Variants in PRKAR1A observed in about 807,000 individuals in gnomAD.
The protein encoded by PRKAR1A is cAMP-dependent protein kinase type I-alpha regulatory subunit.
A neutral mutation model predicts 52.0 loss-of-function variants in PRKAR1A; 3 were observed. That is an observed-to-expected ratio of 0.06 (90% CI 0.03 to 0.15). The LOEUF is 0.15. Ranked by LOEUF, PRKAR1A falls within the 10% of genes least tolerant of loss-of-function variation. PRKAR1A has a pLI of 1.00. For missense variants in PRKAR1A, 240 were observed against 477.4 expected (o/e 0.50, Z 4.63); for synonymous variants, 188 against 168.4 (o/e 1.12, Z -0.90).
At chr17:68,448,920 C>T in the PRKAR1A span, among the ~76,000 whole-genome samples, 72 of 152,304 alleles carry the variant, frequency 4.7e-4, no homozygotes, top group African/African-American at 1.5e-3. Context: ...TTTCTTACTC[C>T]TGCTACTCCC....
chr17:68,535,226 G>T (rs1174000620), downstream of PRKAR1A: 2 of 448,616 alleles, frequency 4.5e-6, no homozygotes, highest in Non-Finnish European at 9.0e-6. Flanking sequence ...TTTGAGAAAT[G>T]AGTCTTAATT....
At chr17:68,484,018 G>C in the PRKAR1A span, among the ~76,000 whole-genome samples, 8 of 152,234 alleles carry the variant, frequency 5.3e-5, 1 homozygote, top group East Asian at 1.5e-3. Context: ...TTGAAATTAG[G>C]TACCATTAGC....
chr17:68,452,666 G>T, the PRKAR1A span, among the ~76,000 whole-genome samples: 2,448 of 152,312 alleles, frequency 0.016, 28 homozygotes, highest in Middle Eastern at 0.034. Flanking sequence ...TCAATAATAT[G>T]ATTTCACACA....
chr17:68,528,803 A>G, intron 8 of PRKAR1A, 67 bp from the exon 9 acceptor site: 1 of 1,588,500 alleles, frequency 6.3e-7, no homozygotes. Context: ...ATCTCTTTAT[A>G]CTTTCTTTTT....
chr17:68,509,227 C>T (rs959862466), upstream of PRKAR1A, among the ~76,000 whole-genome samples: 2 of 152,182 alleles, frequency 1.3e-5, no homozygotes, highest in African/African-American at 4.8e-5. Flanking sequence ...TGCTGTGTGG[C>T]CAGGGCTGCA....
At chr17:68,434,578 CAT>C in the PRKAR1A span, 2 of 1,613,938 alleles carry the variant, frequency 1.2e-6, no homozygotes, top group Non-Finnish European at 1.7e-6. Flanking sequence ...CTCCGGAACT[CAT>C]AGAGCTTTTG....
At chr17:68,471,800 G>C in the PRKAR1A span, among the ~76,000 whole-genome samples, 51 of 152,138 alleles carry the variant, frequency 3.4e-4, no homozygotes, top group African/African-American at 1.2e-3. Context: ...GAATGGCCTA[G>C]TTTCTTTTCT....
At chr17:68,428,557 C>G in the PRKAR1A span, 4 of 314,484 alleles carry the variant, frequency 1.3e-5, no homozygotes, top group Non-Finnish European at 1.8e-5. Context: ...TGAACACCCA[C>G]TGTGAGCTCA....
At chr17:68,495,031 C>T in the PRKAR1A span, among the ~76,000 whole-genome samples, 1 of 152,156 alleles carries the variant, frequency 6.6e-6, no homozygotes, top group East Asian at 1.9e-4. Context: ...CTACTGTACT[C>T]TTCTTTATAT....
At chr17:68,434,758 G>C in the PRKAR1A span, 1 of 829,876 alleles carries the variant, frequency 1.2e-6, no homozygotes, top group Non-Finnish European at 1.9e-6. Flanking sequence ...GTTGAGCATA[G>C]AGGCATGTTT....
chr17:68,526,524 C>T (rs1282392956), intron 7 of PRKAR1A, among the ~76,000 whole-genome samples: 7 of 152,016 alleles, frequency 4.6e-5, no homozygotes, highest in Admixed American at 4.6e-4. Context: ...TCCATCTGAC[C>T]ATTTGAAAAT....
At chr17:68,513,740 C>T (rs532760303) in intron 1 of PRKAR1A, among the ~76,000 whole-genome samples, 1 of 152,264 alleles carries the variant, frequency 6.6e-6, no homozygotes, top group African/African-American at 2.4e-5. Context: ...CATTTCTGTT[C>T]GTATACTGTC....
chr17:68,520,651 T>C (rs187251898), intron 2 of PRKAR1A, among the ~76,000 whole-genome samples: 1 of 152,316 alleles, frequency 6.6e-6, no homozygotes, highest in East Asian at 1.9e-4. Context: ...TATCATAGTA[T>C]ATACTAGAAA....
chr17:68,504,843 G>A, the PRKAR1A span, among the ~76,000 whole-genome samples: 1 of 152,266 alleles, frequency 6.6e-6, no homozygotes, highest in Admixed American at 6.5e-5. Context: ...AATTGTAAAG[G>A]ATAAATGCTT....
At chr17:68,440,905 T>C in the PRKAR1A span, 1 of 152,240 alleles carries the variant, frequency 6.6e-6, no homozygotes, top group Non-Finnish European at 1.5e-5. Context: ...TTTTCAAAAA[T>C]AGAAAGACAT....
At chr17:68,419,044 A>C in the PRKAR1A span, among the ~76,000 whole-genome samples, 3 of 150,030 alleles carry the variant, frequency 2.0e-5, no homozygotes, top group African/African-American at 7.3e-5. Context: ...AGTCATCGGA[A>C]TCATAAAGAG....
intron 2 of PRKAR1A, among the ~76,000 whole-genome samples, chr17:68,516,151 G>A (rs2085426185): frequency 6.6e-6 from 1 of 151,966 alleles, no homozygotes. Flanking sequence ...GTCAGGACTT[G>A]TTGCGCCTTG....
chr17:68,470,438 G>T, the PRKAR1A span, among the ~76,000 whole-genome samples: 2 of 152,202 alleles, frequency 1.3e-5, no homozygotes, highest in Non-Finnish European at 2.9e-5. Context: ...AGAGTCTTGG[G>T]TAAACCCAGG....
chr17:68,497,830 C>A, the PRKAR1A span, among the ~76,000 whole-genome samples: 1 of 151,988 alleles, frequency 6.6e-6, no homozygotes, highest in Admixed American at 6.6e-5. Context: ...TCACGAAAGA[C>A]AAGACACATA....
Sources: allele counts gnomAD v4.1 joint callset (sites outside exome capture counted in the v4.1 genomes callset), GRCh38; gene constraint gnomAD v4.1.1; transcripts MANE v1.5; gene names NCBI Gene and HGNC (gene_info 2026-07-23, HGNC 2026-07-21).